KLF15: variants seen among roughly 807,000 people sequenced by gnomAD.
KLF15 encodes Krueppel-like factor 15.
Under a neutral mutation model 24.6 loss-of-function variants are expected in KLF15, and 4 were observed. The observed-to-expected ratio is 0.16, with a 90% confidence interval of 0.08 to 0.37. The LOEUF (loss-of-function observed/expected upper bound fraction) is 0.37, where lower values mean the gene tolerates loss of function less well. Ranked by LOEUF, KLF15 falls within the 10% of genes least tolerant of loss-of-function variation. KLF15 has a pLI of 1.00. For missense variants in KLF15, 496 were observed against 560.6 expected, an observed-to-expected ratio of 0.88 and a Z score of 1.16; for synonymous variants, 246 against 236.3, an observed-to-expected ratio of 1.04 and a Z score of -0.37.
chr3:126,349,212 C>G (rs1408204962), intron 2 of KLF15, among the ~76,000 whole-genome samples: 3 of 152,184 alleles, frequency 2.0e-5, no homozygotes, highest in Non-Finnish European at 2.9e-5. Context: ...AAGCAGCCCT[C>G]CCTAGAGGCC....
chr3:126,323,207 T>C, the KLF15 span, among the ~76,000 whole-genome samples: 1 of 150,664 alleles, frequency 6.6e-6, no homozygotes, highest in Admixed American at 6.6e-5. Context: ...TTCACACAAT[T>C]GGCTTTTTGG....
At chr3:126,308,736 C>T in the KLF15 span, among the ~76,000 whole-genome samples, 1 of 152,206 alleles carries the variant, frequency 6.6e-6, no homozygotes, top group East Asian at 1.9e-4. Context: ...GATGAGGAAG[C>T]TCTGGGACCA....
the KLF15 span, among the ~76,000 whole-genome samples, chr3:126,300,613 G>A: frequency 6.6e-6 from 1 of 152,208 alleles, no homozygotes; most frequent in Admixed American, 6.5e-5. Context: ...ATCACTTGCA[G>A]TCCTCCTGCA....
At chr3:126,321,656 A>C in the KLF15 span, among the ~76,000 whole-genome samples, 1 of 152,194 alleles carries the variant, frequency 6.6e-6, no homozygotes, top group African/African-American at 2.4e-5. Flanking sequence ...GTGGGAGTGC[A>C]GTGTCCACTA....
the KLF15 span, among the ~76,000 whole-genome samples, chr3:126,323,946 C>T: frequency 5.3e-5 from 8 of 151,220 alleles, no homozygotes; most frequent in Non-Finnish European, 1.2e-4. Flanking sequence ...ATATGTGCAA[C>T]ATTTTCTTTA....
chr3:126,309,993 A>G, the KLF15 span, among the ~76,000 whole-genome samples: 2 of 152,252 alleles, frequency 1.3e-5, no homozygotes, highest in Admixed American at 6.5e-5. Flanking sequence ...CAGTTCATCA[A>G]GAACAGAAAT....
At chr3:126,314,321 G>A in the KLF15 span, among the ~76,000 whole-genome samples, 7 of 152,196 alleles carry the variant, frequency 4.6e-5, no homozygotes, top group Non-Finnish European at 7.3e-5. Flanking sequence ...ACAGGGGTGG[G>A]AGGAGCCATT....
At chr3:126,312,558 G>A in the KLF15 span, among the ~76,000 whole-genome samples, 11 of 152,250 alleles carry the variant, frequency 7.2e-5, no homozygotes, top group Middle Eastern at 3.4e-3. Context: ...CTCCCTTAGG[G>A]GGCCCGCCTG....
chr3:126,326,454 A>C, the KLF15 span, among the ~76,000 whole-genome samples: 2 of 152,262 alleles, frequency 1.3e-5, no homozygotes, highest in Non-Finnish European at 2.9e-5. Context: ...GTTTGAGAAC[A>C]AAAATATATT....
chr3:126,309,777 A>G, the KLF15 span, among the ~76,000 whole-genome samples: 1 of 152,196 alleles, frequency 6.6e-6, no homozygotes, highest in Admixed American at 6.5e-5. Flanking sequence ...GAGAATGTAC[A>G]AGATGATCCT....
At chr3:126,310,776 C>A in the KLF15 span, among the ~76,000 whole-genome samples, 1 of 152,174 alleles carries the variant, frequency 6.6e-6, no homozygotes, top group Admixed American at 6.5e-5. Context: ...CCCTAATCAC[C>A]TCTGCAAGAC....
chr3:126,341,349 A>G (rs1304855274), downstream of KLF15, among the ~76,000 whole-genome samples: 2 of 152,202 alleles, frequency 1.3e-5, no homozygotes, highest in African/African-American at 4.8e-5. Flanking sequence ...CAGAAGGTGC[A>G]TATGCTCCCG....
chr3:126,319,844 G>A, the KLF15 span, among the ~76,000 whole-genome samples: 4 of 152,170 alleles, frequency 2.6e-5, no homozygotes, highest in Non-Finnish European at 5.9e-5. Context: ...CTGGCTCGGG[G>A]TGGGGTGCAG....
rs932432945 is a variant in KLF15 at position 126,356,887 on chromosome 3, G to A, written c.-26+350C>T. ...GCCCCCCAACCCCGGGCTGGCCAGC[G>A]CGTCCGCTCTCCCCCTCCTCTCACC... On this transcript the variant is annotated intron_variant, in intron 1 of 2. Coordinates refer to ENST00000296233, the MANE Select transcript of KLF15 (RefSeq NM_014079.4). The surrounding 1 kb of genome is among the most constrained non-coding windows in gnomAD (Gnocchi z 4.4). 3.0e-4 allele frequency among the ~76,000 whole-genome samples: 45 copies of A among 150,854 alleles called. No individual in the cohort carries two copies. Among genetic ancestry groups the A allele is most frequent in the Admixed American group, 1.2e-3 (18 of 15,210 alleles).
chr3:126,347,753 C>T (rs751487363), intron 2 of KLF15, among the ~76,000 whole-genome samples: 40 of 152,242 alleles, frequency 2.6e-4, no homozygotes, highest in Non-Finnish European at 5.3e-4. Context: ...AATCATGTCA[C>T]CAGAGAAGGG....
At chr3:126,297,613 AC>A in the KLF15 span, among the ~76,000 whole-genome samples, 1 of 152,122 alleles carries the variant, frequency 6.6e-6, no homozygotes, top group African/African-American at 2.4e-5. Flanking sequence ...ACCTCTCCCC[AC>A]ACGTCCCCAA....
intron 1 of KLF15, among the ~76,000 whole-genome samples, chr3:126,353,770 C>G (rs1282325293): frequency 6.6e-6 from 1 of 152,228 alleles, no homozygotes; most frequent in African/African-American, 2.4e-5. Context: ...TGAACGCAAC[C>G]CTCTCACCTG....
intron 2 of KLF15, among the ~76,000 whole-genome samples, chr3:126,348,899 A>T (rs2082559257): frequency 6.6e-6 from 1 of 152,228 alleles, no homozygotes; most frequent in African/African-American, 2.4e-5. Context: ...GGCAGGAAGT[A>T]TGCAAGTTAC....
At chr3:126,316,842 G>A in the KLF15 span, among the ~76,000 whole-genome samples, 1 of 152,076 alleles carries the variant, frequency 6.6e-6, no homozygotes, top group Non-Finnish European at 1.5e-5. Context: ...GGCACTGCCT[G>A]GGGCAGCAGG....
Sources: gnomAD v4.1 joint callset for allele counts (sites outside exome capture counted in the v4.1 genomes callset) on GRCh38, gnomAD v4.1.1 for gene constraint, Gnocchi (gnomAD v3.1) non-coding constraint, MANE v1.5 for transcripts, NCBI Gene and HGNC (gene_info 2026-07-23, HGNC 2026-07-21) for gene names.